Variants in TBCK observed in about 807,000 individuals in gnomAD.
TBCK encodes the protein TBC domain-containing protein kinase-like protein.
TBCK carries 99 observed loss-of-function variants against 113.4 expected under a neutral mutation model. The observed-to-expected ratio is 0.87, with a 90% confidence interval of 0.74 to 1.03. TBCK has a LOEUF of 1.03. Among genes scored for constraint, TBCK ranks in the 50% least tolerant of loss-of-function variants. TBCK has a pLI of 0.00. For synonymous variants in TBCK, 369 were observed against 370.8 expected, an observed-to-expected ratio of 1.00 and a Z score of 0.05; for missense variants, 1,045 against 1,061.3, an observed-to-expected ratio of 0.98 and a Z score of 0.21.
At chr4:106,215,901 A>T (rs1225016580) in intron 19 of TBCK, among the ~76,000 whole-genome samples, 1 of 151,436 alleles carries the variant, frequency 6.6e-6, no homozygotes, top group Non-Finnish European at 1.5e-5. Context: ...ACCCCAAATC[A>T]ACAGAATATA....
chr4:106,311,109 A>T (rs887850512), intron 1 of TBCK, among the ~76,000 whole-genome samples: 3 of 151,882 alleles, frequency 2.0e-5, no homozygotes, highest in African/African-American at 4.8e-5. Context: ...GAAAAATAGG[A>T]TCTCTAATTT....
chr4:106,130,998 C>T (rs1318984674), intron 23 of TBCK, among the ~76,000 whole-genome samples: 1 of 151,584 alleles, frequency 6.6e-6, no homozygotes, highest in Non-Finnish European at 1.5e-5. Context: ...CTAGCTGGGT[C>T]CCCCCCAAAT....
chr4:106,241,904 T>G (rs1436285220), intron 12 of TBCK, among the ~76,000 whole-genome samples: 1 of 151,906 alleles, frequency 6.6e-6, no homozygotes, highest in East Asian at 1.9e-4. Context: ...AATTTAGAAT[T>G]CTATTCAATA....
At chr4:106,053,771 C>A (rs1184486653) in intron 25 of TBCK, among the ~76,000 whole-genome samples, 4 of 151,612 alleles carry the variant, frequency 2.6e-5, no homozygotes, top group Non-Finnish European at 5.9e-5. Flanking sequence ...TGATTCCTAC[C>A]CTCCTCTACC....
chr4:106,210,789 CATTA>C lies in TBCK; in HGVS notation c.1860+1957_1860+1960del, dbSNP rs574432129. Among the ~76,000 whole-genome samples, 11 of 152,210 alleles carry C rather than the reference CATTA, an allele frequency of 7.2e-5. 1 individual carries two copies. The highest frequency in any genetic ancestry group is 7.2e-4 in the Admixed American group (11 of 15,286). ...ACAGTAAACATTTAATATGTATTCACATTAATTATGTTTTAACAATATTTTTAAC... is the reference window on the plus strand; with the variant it reads ...ACAGTAAACATTTAATATGTATTCACATTATGTTTTAACAATATTTTTAAC... On this transcript the variant is annotated intron_variant, in intron 20 of 25. Coordinates refer to ENST00000394708, the MANE Select transcript of TBCK (RefSeq NM_001163435.3).
chr4:106,251,382 GA>G (rs1269239510), intron 6 of TBCK, among the ~76,000 whole-genome samples: 1 of 151,586 alleles, frequency 6.6e-6, no homozygotes, highest in Non-Finnish European at 1.5e-5. Context: ...ATAGAAAAAA[GA>G]GATGCTTTGA....
In TBCK at chr4:106,314,616, A is replaced by ATT. The variant is rs869091052; in HGVS notation, c.-30+1313_-30+1314dup. Among the ~76,000 whole-genome samples, 691 of 102,062 alleles carry ATT rather than the reference A, an allele frequency of 6.8e-3. 53 individuals carry two copies. The highest frequency in any genetic ancestry group is 0.019 in the African/African-American group (460 of 24,296). The allele number at this position is 102,062 out of a possible 152,430, so 67.0% of individuals were successfully genotyped here. A position where few individuals can be genotyped will look rare whatever the true frequency, so the allele number is the denominator to read the frequency against. On this transcript the variant is annotated intron_variant, in intron 1 of 25. Coordinates refer to ENST00000394708, the MANE Select transcript of TBCK (RefSeq NM_001163435.3). The stretch of plus-strand genomic sequence containing the variant: ...CAATCCTACTACGCTATACTACTTG[A>ATT]TTTTTTTTTTTTTTTTTTTTTTTTT...
intron 23 of TBCK, among the ~76,000 whole-genome samples, chr4:106,164,032 C>T (rs927559857): frequency 6.6e-6 from 1 of 152,010 alleles, no homozygotes; most frequent in Non-Finnish European, 1.5e-5. Flanking sequence ...TAAGATTATA[C>T]ATTACTATGG....
At chr4:106,051,175 T>C (rs1244768105) in intron 25 of TBCK, among the ~76,000 whole-genome samples, 1 of 151,914 alleles carries the variant, frequency 6.6e-6, no homozygotes, top group Non-Finnish European at 1.5e-5. Context: ...TCATGAGGTA[T>C]GTAGAACAGA....
At chr4:106,275,232 C>G (rs1453362217) in intron 3 of TBCK, among the ~76,000 whole-genome samples, 1 of 152,166 alleles carries the variant, frequency 6.6e-6, no homozygotes, top group Non-Finnish European at 1.5e-5. Flanking sequence ...TTAAATACTT[C>G]TGATTTTAAA....
chr4:106,266,032 ATAATTTGGGATAAACAGAGT>A, intron 3 of TBCK, among the ~76,000 whole-genome samples: 1 of 151,986 alleles, frequency 6.6e-6, no homozygotes, highest in African/African-American at 2.4e-5. Context: ...TGAAACAAGC[ATAATTTGGGATAAACAGAGT>A]TTTCATAAAC....
intron 25 of TBCK, among the ~76,000 whole-genome samples, chr4:106,048,823 G>A (rs1734489846): frequency 6.6e-6 from 1 of 152,082 alleles, no homozygotes; most frequent in Non-Finnish European, 1.5e-5. Context: ...TTATTGTAAG[G>A]AAGTCCCTAA....
intron 10 of TBCK, among the ~76,000 whole-genome samples, chr4:106,245,465 G>A (rs1760691965): frequency 5.3e-5 from 8 of 152,100 alleles, no homozygotes; most frequent in Admixed American, 5.2e-4. Context: ...TAAGGTATGG[G>A]GAACAGAAGC....
chr4:106,309,040 C>A (rs1767868188), intron 1 of TBCK, 51 bp from the exon 2 acceptor site: 1 of 1,240,488 alleles, frequency 8.1e-7, no homozygotes, highest in Non-Finnish European at 1.1e-6. Context: ...CCAGACAGAC[C>A]AAATCTTAAG....
rs1009282816 is a variant in TBCK at position 106,139,016 on chromosome 4, C to A, written c.2236-22638G>T. 2.1e-5 allele frequency among the ~76,000 whole-genome samples: 3 copies of A among 140,944 alleles called. 1 individual carries two copies. Among genetic ancestry groups the A allele is most frequent in the Non-Finnish European group, 3.2e-5 (2 of 61,924 alleles). 92.5% of individuals were successfully genotyped at this position (140,944 alleles called of 152,430 possible). A position where few individuals can be genotyped will look rare whatever the true frequency, so the allele number is the denominator to read the frequency against. ...AAACTCTAATTTTCCAAGGTACAATCTTGAATTGGGCTGCTGACTATATTA... is the reference window on the plus strand; with the variant it reads ...AAACTCTAATTTTCCAAGGTACAATATTGAATTGGGCTGCTGACTATATTA... On this transcript the variant is annotated intron_variant, in intron 23 of 25. Coordinates refer to ENST00000394708, the MANE Select transcript of TBCK (RefSeq NM_001163435.3).
rs775830620 is a variant in TBCK at position 106,095,625 on chromosome 4, T to C, written c.2428A>G (p.Ile810Val). Reference sequence around the variant, plus strand: ...AATGGAATGTTGATGCTTCCTGAAATGTGACCACGAATAAAGCTGAGAAGG... The same window carrying C: ...AATGGAATGTTGATGCTTCCTGAAACGTGACCACGAATAAAGCTGAGAAGG... ...RNSEDFIRGHISGSINIPFSA... is the reference protein window; with the variant it reads ...RNSEDFIRGHVSGSINIPFSA... The change falls in exon 25 of 26, where the codon ATT becomes GTT. Residue 810 changes from isoleucine to valine, a missense_variant. By Grantham distance (29) the Ile-to-Val change is conservative. Coordinates refer to ENST00000394708, the MANE Select transcript of TBCK (RefSeq NM_001163435.3). The C allele has an allele frequency of 6.2e-6, 10 of 1,613,160 alleles. No individual in the cohort carries two copies. The Admixed American group carries it at 8.4e-5, about 13-fold the overall frequency.
chr4:106,209,712 GTGTTC>G (rs1462638448), intron 20 of TBCK, among the ~76,000 whole-genome samples: 1 of 151,814 alleles, frequency 6.6e-6, no homozygotes, highest in South Asian at 2.1e-4. Flanking sequence ...GGTCTGTTTT[GTGTTC>G]TCTCTTGTAT....
intron 25 of TBCK, among the ~76,000 whole-genome samples, chr4:106,088,613 T>C (rs56208962): frequency 0.041 from 6,299 of 152,236 alleles, 439 homozygotes; most frequent in African/African-American, 0.14. Context: ...ACCCAAGGAA[T>C]AGAAATCATT....
intron 21 of TBCK, among the ~76,000 whole-genome samples, chr4:106,194,165 C>T (rs1753957414): frequency 6.6e-6 from 1 of 151,966 alleles, no homozygotes; most frequent in Non-Finnish European, 1.5e-5. Context: ...GAGCAACTTC[C>T]TATTTTTTGT....
Sources: gnomAD v4.1 joint callset for allele counts (sites outside exome capture counted in the v4.1 genomes callset) on GRCh38, gnomAD v4.1.1 for gene constraint, MANE v1.5 for transcripts, NCBI Gene and HGNC (gene_info 2026-07-23, HGNC 2026-07-21) for gene names.